Variants in CDKL2 observed in about 807,000 individuals in gnomAD.
CDKL2 encodes cyclin dependent kinase like 2, also known as cyclin-dependent kinase-like 2.
A neutral mutation model predicts 63.9 loss-of-function variants in CDKL2; 64 were observed. That is an observed-to-expected ratio of 1.00 (90% CI 0.82 to 1.23). CDKL2 has a LOEUF of 1.23. Among genes scored for constraint, CDKL2 ranks in the 50% most tolerant of loss-of-function variants. The pLI is 0.00. For missense variants in CDKL2, 656 were observed against 668.0 expected, an observed-to-expected ratio of 0.98 and a Z score of 0.20; for synonymous variants, 211 against 229.2, an observed-to-expected ratio of 0.92 and a Z score of 0.72.
At chr4:75,627,740 T>C (rs1172339893) in intron 1 of CDKL2, among the ~76,000 whole-genome samples, 49 of 141,540 alleles carry the variant, frequency 3.5e-4, no homozygotes, top group African/African-American at 1.2e-3. Flanking sequence ...TCTTTTTTTT[T>C]TTTTTTTTTT....
At chr4:75,617,330 CT>C (rs761795256) in intron 2 of CDKL2, among the ~76,000 whole-genome samples, 5 of 152,070 alleles carry the variant, frequency 3.3e-5, no homozygotes, top group African/African-American at 1.2e-4. Flanking sequence ...ATAACTAATA[CT>C]TACACAATGC....
intron 3 of CDKL2, 52 bp from the exon 4 acceptor site, chr4:75,607,413 G>A (rs1196211534): frequency 7.0e-7 from 1 of 1,431,412 alleles, no homozygotes; most frequent in Non-Finnish European, 9.7e-7. Flanking sequence ...ATTATTTTGG[G>A]GCACCTGCTA....
intron 13 of CDKL2, 65 bp from the exon 14 acceptor site, chr4:75,579,243 A>G (rs902330381): frequency 2.6e-5 from 4 of 152,236 alleles, no homozygotes; most frequent in African/African-American, 7.2e-5. Context: ...ATTAATTTCT[A>G]TCTCACTTGC....
In CDKL2 at chr4:75,630,173, A is replaced by C. The variant is rs1365724948; in HGVS notation, c.-161T>G. 6.6e-6 allele frequency: 1 copy of C among 152,596 alleles called. No homozygotes were observed. The highest frequency in any genetic ancestry group is 1.5e-5 in the Non-Finnish European group (1 of 68,048). 9.5% of individuals were successfully genotyped at this position (152,596 alleles called of 1,614,324 possible). A position where few individuals can be genotyped will look rare whatever the true frequency, so the allele number is the denominator to read the frequency against. On this transcript the variant is annotated 5_prime_UTR_variant, in exon 1 of 14. Transcript: ENST00000307465. ...AACTAGCAATTCCAGCGCTGTTGTG[A>C]TTTCTTCTGCGGACGCAGTCACGAG...
chr4:75,576,638 C>T lies in CDKL2; in HGVS notation c.*2564G>A, dbSNP rs1310488769. 3.9e-5 allele frequency among the ~76,000 whole-genome samples: 6 copies of T among 152,168 alleles called. No homozygotes were observed. Among genetic ancestry groups the T allele is most frequent in the Non-Finnish European group, 5.9e-5 (4 of 68,020 alleles). On this transcript the variant is annotated 3_prime_UTR_variant, in exon 14 of 14. Transcript: ENST00000307465. ...CTAGCCTAAAGCCTTAGGAGCAGTG[C>T]TCTGTTGCTTCTCTAATCCCCTGAC...
intron 10 of CDKL2, among the ~76,000 whole-genome samples, chr4:75,592,875 T>C (rs1728773296): frequency 6.6e-6 from 1 of 152,216 alleles, no homozygotes; most frequent in African/African-American, 2.4e-5. Context: ...TATTTCACAG[T>C]TGATAAAGTC....
intron 3 of CDKL2, among the ~76,000 whole-genome samples, chr4:75,611,454 G>A (rs546807791): frequency 2.3e-5 from 2 of 86,264 alleles, no homozygotes; most frequent in South Asian, 3.6e-4. Flanking sequence ...GTGAGATTCT[G>A]TCTCAAAAAA....
intron 5 of CDKL2, among the ~76,000 whole-genome samples, chr4:75,604,260 G>A (rs1729330112): frequency 6.6e-6 from 1 of 152,192 alleles, no homozygotes; most frequent in Non-Finnish European, 1.5e-5. Context: ...TAGTCATATG[G>A]ACAGGATCTA....
At chr4:75,584,702 A>G (rs1190917941) in intron 12 of CDKL2, among the ~76,000 whole-genome samples, 4 of 152,170 alleles carry the variant, frequency 2.6e-5, no homozygotes, top group African/African-American at 7.2e-5. Flanking sequence ...GACAGCTACT[A>G]AGCAATAAAA....
At chr4:75,626,536 A>G (rs543289945) in intron 1 of CDKL2, among the ~76,000 whole-genome samples, 17 of 152,026 alleles carry the variant, frequency 1.1e-4, no homozygotes, top group African/African-American at 1.4e-4. Context: ...ACTTGGTGGC[A>G]GGCGCCTGTA....
At chr4:75,627,125 C>T (rs62321010) in intron 1 of CDKL2, among the ~76,000 whole-genome samples, 37,279 of 151,032 alleles carry the variant, frequency 0.25, 4,894 homozygotes, top group Middle Eastern at 0.36. Flanking sequence ...ATCCCTTGAA[C>T]CCAGGAGGCG....
Position 75,589,696 on chromosome 4 carries a change from C to CA in CDKL2, c.1647+2122dup, listed in dbSNP as rs1353759552. Among the ~76,000 whole-genome samples, 14 of 151,966 alleles carry CA rather than the reference C, an allele frequency of 9.2e-5. No homozygotes were observed. In the East Asian group the frequency reaches 2.5e-3, roughly 27 times the overall value. On this transcript the variant is annotated intron_variant, in intron 12 of 13. Coordinates refer to ENST00000307465, the MANE Select transcript of CDKL2 (RefSeq NM_001330724.2). ...AAATGTGAAACTGTATATTCACACA[C>CA]AAAAAACACATTTACAAATGTTTAT... is the stretch of plus-strand genomic sequence containing the variant.
At chr4:75,624,148 GA>G (rs1730294530) in intron 2 of CDKL2, among the ~76,000 whole-genome samples, 1 of 132,248 alleles carries the variant, frequency 7.6e-6, no homozygotes, top group Non-Finnish European at 1.6e-5. Context: ...AAAAAAAAAA[GA>G]ATTCAGAAAA....
intron 6 of CDKL2, among the ~76,000 whole-genome samples, chr4:75,601,368 C>A (rs1039737639): frequency 3.9e-5 from 6 of 151,920 alleles, no homozygotes; most frequent in Non-Finnish European, 5.9e-5. Context: ...TGTTCTGATT[C>A]ATTAAAACCC....
At chr4:75,586,410 T>C (rs1728485595) in intron 12 of CDKL2, among the ~76,000 whole-genome samples, 1 of 151,736 alleles carries the variant, frequency 6.6e-6, no homozygotes. Context: ...GTATTTTTAG[T>C]AGAGATGGGG....
chr4:75,604,023 GGT>G, intron 5 of CDKL2, 67 bp from the exon 6 acceptor site: 2 of 1,449,540 alleles, frequency 1.4e-6, no homozygotes, highest in Non-Finnish European at 1.9e-6. Flanking sequence ...AGAGACAGGT[GGT>G]GTGAAGTAGA....
At chr4:75,601,188 A>C (rs1413409573) in intron 6 of CDKL2, among the ~76,000 whole-genome samples, 1 of 152,222 alleles carries the variant, frequency 6.6e-6, no homozygotes, top group Non-Finnish European at 1.5e-5. Context: ...GTGAAAATTA[A>C]TGAAACTTTA....
chr4:75,596,932 T>C lies in CDKL2; in HGVS notation c.1322+3A>G, dbSNP rs371315736. Reference sequence around the variant, plus strand: ...TTTTTGATCTTATTTTACTAATTCATACCTGTAACCCTGAATTGGTATAGT... The same window carrying C: ...TTTTTGATCTTATTTTACTAATTCACACCTGTAACCCTGAATTGGTATAGT... On this transcript the variant is annotated splice_donor_region_variant and intron_variant, in intron 9 of 13. Coordinates refer to ENST00000307465, the MANE Select transcript of CDKL2 (RefSeq NM_001330724.2). 6.2e-7 allele frequency: 1 copy of C among 1,601,214 alleles called. No homozygotes were observed.
intron 6 of CDKL2, among the ~76,000 whole-genome samples, chr4:75,602,756 T>C (rs1729251510): frequency 6.6e-6 from 1 of 151,472 alleles, no homozygotes; most frequent in Admixed American, 6.6e-5. Flanking sequence ...ACTCCTGACT[T>C]CAAGTGATCC....
Sources: allele counts gnomAD v4.1 joint callset (sites outside exome capture counted in the v4.1 genomes callset), GRCh38; gene constraint gnomAD v4.1.1; transcripts MANE v1.5; gene names NCBI Gene and HGNC (gene_info 2026-07-23, HGNC 2026-07-21).